The following GTF2H3 variants were observed in gnomAD, a reference collection of about 807,000 sequenced individuals.
The protein encoded by GTF2H3 is general transcription factor IIH subunit 3.
A neutral mutation model predicts 51.1 loss-of-function variants in GTF2H3; 42 were observed. The ratio of observed to expected loss-of-function variants is 0.82; its 90% CI spans 0.64 to 1.06. The LOEUF is 1.06. GTF2H3 is among the 50% of genes least tolerant of loss of function. The pLI, the probability that GTF2H3 is intolerant of heterozygous loss-of-function variation, is 0.00. For synonymous variants in GTF2H3, 123 were observed against 123.8 expected, an observed-to-expected ratio of 0.99 and a Z score of 0.04; for missense variants, 326 against 366.1, an observed-to-expected ratio of 0.89 and a Z score of 0.89.
chr12:123,640,373 G>T (rs1333059096), intron 2 of GTF2H3, among the ~76,000 whole-genome samples: 2 of 126,006 alleles, frequency 1.6e-5, no homozygotes, highest in Admixed American at 1.8e-4. Flanking sequence ...TTTTGCTCTT[G>T]TTGCCCAGGC....
chr12:123,647,931 G>C, intron 3 of GTF2H3, 32 bp from the exon 4 acceptor site: 1 of 1,591,274 alleles, frequency 6.3e-7, no homozygotes, highest in Non-Finnish European at 8.6e-7. Context: ...GTGAGGCCTG[G>C]TGTAACCAGG....
chr12:123,659,213 A>G, intron 9 of GTF2H3: 1 of 337,284 alleles, frequency 3.0e-6, no homozygotes, highest in Non-Finnish European at 5.6e-6. Flanking sequence ...CTAAAAATAC[A>G]AAAATTAGCC....
At position 123,660,090 on chromosome 12, in the gene GTF2H3, T is replaced by C. The variant is rs746664676; in HGVS notation, c.857+8T>C. The C allele has an allele frequency of 6.2e-7, 1 of 1,608,618 alleles. No homozygotes were observed. The highest frequency in any genetic ancestry group is 1.1e-5 in the South Asian group (1 of 89,324). ...CATTTGTACTACGTGCGAGTAAGTA[T>C]CTTTGAGATTGTGTGGGTGGCTAAT... On this transcript the variant is annotated splice_region_variant and intron_variant, in intron 12 of 12. Transcript: ENST00000543341.
At chr12:123,647,218 C>T (rs34701722) in intron 3 of GTF2H3, among the ~76,000 whole-genome samples, 2,387 of 151,014 alleles carry the variant, frequency 0.016, 28 homozygotes, top group Non-Finnish European at 0.024. Context: ...GCCTGTAATC[C>T]CAGCACTTCA....
At chr12:123,652,439 G>A (rs1955531074) in intron 5 of GTF2H3, 93 bp from the exon 6 acceptor site, 1 of 727,826 alleles carries the variant, frequency 1.4e-6, no homozygotes, top group African/African-American at 1.8e-5. Context: ...TAGATGCTGG[G>A]TTTATTTAAA....
chr12:123,637,176 A>T (rs1456050510), intron 1 of GTF2H3, among the ~76,000 whole-genome samples: 1 of 152,120 alleles, frequency 6.6e-6, no homozygotes, highest in Non-Finnish European at 1.5e-5. Flanking sequence ...CCTCAATTAG[A>T]GTATAGTCTC....
intron 5 of GTF2H3, 138 bp downstream of exon 5, chr12:123,651,194 T>C: frequency 1.7e-6 from 1 of 592,224 alleles, no homozygotes; most frequent in Non-Finnish European, 3.0e-6. Flanking sequence ...TTTTAAAAAA[T>C]AGTTTACATT....
rs1220768520 is a variant in GTF2H3 at position 123,661,782 on chromosome 12, T to A, written c.*1547T>A. The A allele has an allele frequency of 6.6e-6, 1 of 152,462 alleles. No homozygotes were observed. The highest frequency in any genetic ancestry group is 2.4e-5 in the African/African-American group (1 of 41,336). The allele number at this position is 152,462 out of a possible 1,614,324, so 9.4% of individuals were successfully genotyped here. On this transcript the variant is annotated 3_prime_UTR_variant, in exon 13 of 13. Coordinates refer to ENST00000543341, the MANE Select transcript of GTF2H3 (RefSeq NM_001516.5). ...TTTTGTGAGACAGAGTCTCGCTCTG[T>A]TGCCCAGGCTGGGGTGCAGTGGTGC...
intron 1 of GTF2H3, among the ~76,000 whole-genome samples, chr12:123,636,801 C>T (rs559701184): frequency 2.0e-5 from 3 of 152,256 alleles, no homozygotes; most frequent in East Asian, 1.9e-4. Context: ...CCTGTAATCC[C>T]GGCTACTCAG....
At chr12:123,644,359 T>C (rs778329077) in intron 2 of GTF2H3, among the ~76,000 whole-genome samples, 5 of 152,180 alleles carry the variant, frequency 3.3e-5, no homozygotes, top group Non-Finnish European at 7.3e-5. Flanking sequence ...ATTCTTTATT[T>C]GTTTTTTCAA....
At chr12:123,636,960 C>T (rs769000361) in intron 1 of GTF2H3, among the ~76,000 whole-genome samples, 6 of 152,078 alleles carry the variant, frequency 3.9e-5, no homozygotes, top group Non-Finnish European at 5.9e-5. Flanking sequence ...TAGTGCACGC[C>T]TGTTGTCCCA....
intron 7 of GTF2H3, among the ~76,000 whole-genome samples, chr12:123,654,576 ATGTG>A (rs1435995122): frequency 6.8e-6 from 1 of 147,950 alleles, no homozygotes; most frequent in Non-Finnish European, 1.5e-5. Context: ...TTGGGGGTGC[ATGTG>A]TGTATTTTGG....
In GTF2H3 at chr12:123,659,884, T is replaced by C; in HGVS notation, c.774T>C (p.His258=). 6.2e-7 allele frequency: 1 copy of C among 1,614,170 alleles called. No individual in the cohort carries two copies. The highest frequency in any genetic ancestry group is 8.5e-7 in the Non-Finnish European group (1 of 1,180,016). Residue 258 remains histidine, a synonymous_variant, in exon 11 of 13, where the codon CAT becomes CAC. Transcript: ENST00000543341. ...ACTACAGGGCTGCTTGCTTCTGTCA[T>C]CGAAATCTCATTGAAATTGGTTATG... The part of the protein sequence containing the change: ...HVDYRAACFC[H]RNLIEIGYVC...
At chr12:123,636,763 C>A (rs1018015196) in intron 1 of GTF2H3, among the ~76,000 whole-genome samples, 5 of 152,092 alleles carry the variant, frequency 3.3e-5, no homozygotes, top group Non-Finnish European at 5.9e-5. Flanking sequence ...ACTGAAAATA[C>A]AAAATTAGCT....
At chr12:123,655,332 G>C (rs1310924247) in intron 8 of GTF2H3, among the ~76,000 whole-genome samples, 1 of 152,086 alleles carries the variant, frequency 6.6e-6, no homozygotes, top group Admixed American at 6.5e-5. Context: ...TTATCTTGTT[G>C]CTGTGGCGAA....
chr12:123,649,951 G>A (rs1052791970), intron 4 of GTF2H3: 4 of 152,136 alleles, frequency 2.6e-5, no homozygotes, highest in Non-Finnish European at 4.4e-5. Context: ...ACAGTGTCAG[G>A]CCCCACTCAG....
At chr12:123,651,166 C>G (rs1955515213) in intron 5 of GTF2H3, 110 bp downstream of exon 5, 1 of 712,980 alleles carries the variant, frequency 1.4e-6, no homozygotes, top group Non-Finnish European at 2.5e-6. Context: ...TGTGAGTACT[C>G]TGAAGTGGAG....
At position 123,636,627 on chromosome 12, in the gene GTF2H3, T is replaced by G. The variant is rs1011118956; in HGVS notation, c.14-2637T>G. Among the ~76,000 whole-genome samples the G allele has an allele frequency of 7.2e-5, 11 of 151,978 alleles. No homozygotes were observed. In the South Asian group the frequency reaches 1.0e-3, roughly 14 times the overall value. On this transcript the variant is annotated intron_variant, in intron 1 of 12. Transcript: ENST00000543341. ...CCTGTCTCTACAAAAATTTAAAAAT[T>G]AGCCAAGTGGCTGGGTGTGGTGGCT... is the stretch of plus-strand genomic sequence containing the variant.
rs1349111806 is a variant in GTF2H3, at chr12:123,660,435, A to T, written c.*200A>T. The T allele has an allele frequency of 2.2e-5, 10 of 448,972 alleles. No individual in the cohort carries two copies. Among genetic ancestry groups the T allele is most frequent in the Middle Eastern group, 5.9e-4 (1 of 1,702 alleles). The allele number at this position is 448,972 out of a possible 1,614,324, so 27.8% of individuals were successfully genotyped here. On this transcript the variant is annotated 3_prime_UTR_variant, in exon 13 of 13. Transcript: ENST00000543341. Reference sequence around the variant, plus strand: ...GTTTGAGGGAATCATTCTATGCATTATATCCTAAAATATTCTATGACTGGT... The same window carrying T: ...GTTTGAGGGAATCATTCTATGCATTTTATCCTAAAATATTCTATGACTGGT...
Sources: gnomAD v4.1 joint callset for allele counts (sites outside exome capture counted in the v4.1 genomes callset) on GRCh38, gnomAD v4.1.1 for gene constraint, MANE v1.5 for transcripts, NCBI Gene and HGNC (gene_info 2026-07-23, HGNC 2026-07-21) for gene names.